Variants in EXOC4 observed in about 807,000 individuals in gnomAD.
EXOC4 encodes SEC8-like 1.
Under a neutral mutation model 107.2 loss-of-function variants are expected in EXOC4, and 71 were observed. That is an observed-to-expected ratio of 0.66 (90% CI 0.55 to 0.81). The LOEUF is 0.81. Among genes scored for constraint, EXOC4 ranks in the 30% least tolerant of loss-of-function variants. EXOC4 has a pLI of 0.00. For synonymous variants in EXOC4, 456 were observed against 441.2 expected, an observed-to-expected ratio of 1.03 and a Z score of -0.42; for missense variants, 1,108 against 1,189.6, an observed-to-expected ratio of 0.93 and a Z score of 1.01.
intron 7 of EXOC4, among the ~76,000 whole-genome samples, chr7:133,395,733 G>A (rs868321307): frequency 2.0e-5 from 3 of 152,074 alleles, no homozygotes; most frequent in South Asian, 2.1e-4. Flanking sequence ...CATTCTGTCT[G>A]TATTTCTGTG....
At chr7:134,032,604 C>T (rs192350033) in intron 17 of EXOC4, among the ~76,000 whole-genome samples, 29 of 152,316 alleles carry the variant, frequency 1.9e-4, no homozygotes, top group Admixed American at 1.4e-3. Flanking sequence ...GAAGGGAGTG[C>T]GGTGGCCACC....
intron 9 of EXOC4, among the ~76,000 whole-genome samples, chr7:133,578,699 A>G (rs7787157): frequency 0.025 from 3,801 of 152,266 alleles, 156 homozygotes; most frequent in African/African-American, 0.087. Context: ...ATAGCTGTCA[A>G]AGTTCTTAAT....
the EXOC4 span, among the ~76,000 whole-genome samples, chr7:134,089,291 C>G: frequency 8.5e-5 from 13 of 152,262 alleles, no homozygotes; most frequent in African/African-American, 2.9e-4. Flanking sequence ...TAAAAAAATC[C>G]ACATTCCTAT....
chr7:133,907,020 C>G (rs950721974), intron 12 of EXOC4, among the ~76,000 whole-genome samples: 7 of 152,222 alleles, frequency 4.6e-5, no homozygotes, highest in Admixed American at 4.6e-4. Flanking sequence ...ATCTTGGAAG[C>G]GGCCAGCCAC....
At chr7:134,068,968 T>G (rs1415220651), downstream of EXOC4, among the ~76,000 whole-genome samples, 1 of 152,182 alleles carries the variant, frequency 6.6e-6, no homozygotes, top group Non-Finnish European at 1.5e-5. Context: ...AACAGCCCCT[T>G]GTGACACAAA....
chr7:133,335,535 C>A (rs1472667627), intron 5 of EXOC4, among the ~76,000 whole-genome samples: 1 of 152,156 alleles, frequency 6.6e-6, no homozygotes, highest in East Asian at 1.9e-4. Context: ...ACCAGAATTT[C>A]CTTCCTTTTC....
intron 13 of EXOC4, among the ~76,000 whole-genome samples, chr7:133,924,403 C>G (rs1800006625): frequency 6.6e-6 from 1 of 152,094 alleles, no homozygotes; most frequent in Non-Finnish European, 1.5e-5. Flanking sequence ...TCTTCAATAG[C>G]TTAAATTGAA....
intron 10 of EXOC4, among the ~76,000 whole-genome samples, chr7:133,804,135 G>A (rs1012923114): frequency 1.5e-4 from 23 of 152,166 alleles, no homozygotes; most frequent in Admixed American, 1.4e-3. Context: ...TTGAACCACT[G>A]TAGAAAAATA....
intron 10 of EXOC4, among the ~76,000 whole-genome samples, chr7:133,711,633 G>A (rs1000659600): frequency 2.0e-5 from 3 of 152,184 alleles, no homozygotes; most frequent in Non-Finnish European, 4.4e-5. Context: ...TTGTAAAGCC[G>A]TACTTGTTTA....
chr7:133,256,256 C>G (rs1039808398), intron 1 of EXOC4, among the ~76,000 whole-genome samples: 1 of 152,242 alleles, frequency 6.6e-6, no homozygotes, highest in Non-Finnish European at 1.5e-5. Flanking sequence ...GCTGGGATTA[C>G]AGGCGTGAGC....
At chr7:133,740,832 A>T (rs1205215202) in intron 10 of EXOC4, among the ~76,000 whole-genome samples, 2 of 152,124 alleles carry the variant, frequency 1.3e-5, no homozygotes, top group Non-Finnish European at 2.9e-5. Context: ...TTCTCATGGG[A>T]ATGATGACCC....
At chr7:133,958,940 G>T (rs1016391792) in intron 14 of EXOC4, among the ~76,000 whole-genome samples, 1 of 152,118 alleles carries the variant, frequency 6.6e-6, no homozygotes, top group African/African-American at 2.4e-5. Context: ...TTTTCCTATT[G>T]GCTGGCATCC....
At chr7:133,629,678 C>A (rs1585042289) in intron 9 of EXOC4, among the ~76,000 whole-genome samples, 1 of 151,796 alleles carries the variant, frequency 6.6e-6, no homozygotes, top group South Asian at 2.1e-4. Flanking sequence ...GTAGCTGGGA[C>A]TACAGGCACA....
intron 7 of EXOC4, among the ~76,000 whole-genome samples, chr7:133,469,543 G>C (rs747130792): frequency 6.6e-6 from 1 of 152,158 alleles, no homozygotes; most frequent in Admixed American, 6.5e-5. Flanking sequence ...TGCAAAGACA[G>C]TAATTTTGGT....
intron 5 of EXOC4, among the ~76,000 whole-genome samples, chr7:133,333,988 A>G (rs1322849761): frequency 1.3e-5 from 2 of 152,228 alleles, no homozygotes; most frequent in African/African-American, 4.8e-5. Flanking sequence ...TTTAGTCAAA[A>G]TAGTCAAAAT....
intron 5 of EXOC4, among the ~76,000 whole-genome samples, chr7:133,354,941 T>G (rs146712141): frequency 1.3e-5 from 2 of 152,262 alleles, no homozygotes; most frequent in African/African-American, 2.4e-5. Flanking sequence ...GTGGGGAGAT[T>G]CCTGGTGCCT....
At chr7:133,370,574 G>C (rs1180200955) in intron 6 of EXOC4, among the ~76,000 whole-genome samples, 1 of 152,132 alleles carries the variant, frequency 6.6e-6, no homozygotes, top group Non-Finnish European at 1.5e-5. Flanking sequence ...TTTCCGTGTG[G>C]ACAAAATGTG....
At chr7:133,613,159 A>G (rs1327936460) in intron 9 of EXOC4, among the ~76,000 whole-genome samples, 7 of 152,172 alleles carry the variant, frequency 4.6e-5, no homozygotes, top group Admixed American at 4.6e-4. Context: ...ATCATTTATT[A>G]GAAAATATAT....
At chr7:133,435,368 G>C (rs1403106641) in intron 7 of EXOC4, among the ~76,000 whole-genome samples, 1 of 151,668 alleles carries the variant, frequency 6.6e-6, no homozygotes, top group Non-Finnish European at 1.5e-5. Context: ...AGGTTATCAT[G>C]TCTAGCTATT....
Sources: gnomAD v4.1 joint callset for allele counts (sites outside exome capture counted in the v4.1 genomes callset) on GRCh38, gnomAD v4.1.1 for gene constraint, MANE v1.5 for transcripts, NCBI Gene and HGNC (gene_info 2026-07-23, HGNC 2026-07-21) for gene names.